Variants in FRMD4A observed in about 807,000 individuals in gnomAD.
FRMD4A encodes FERM domain containing 4A.
Under a neutral mutation model 129.1 loss-of-function variants are expected in FRMD4A, and 29 were observed. That is an observed-to-expected ratio of 0.22 (90% CI 0.17 to 0.31). The LOEUF is 0.31. FRMD4A is among the 10% of genes least tolerant of loss of function. The pLI is 1.00. For missense variants in FRMD4A, 1,272 were observed against 1,375.8 expected, an observed-to-expected ratio of 0.92 and a Z score of 1.19; for synonymous variants, 634 against 571.6, an observed-to-expected ratio of 1.11 and a Z score of -1.56.
chr10:13,983,313 G>T (rs906921067), intron 2 of FRMD4A, among the ~76,000 whole-genome samples: 1 of 151,988 alleles, frequency 6.6e-6, no homozygotes, highest in African/African-American at 2.4e-5. Flanking sequence ...CCCCTGAGCC[G>T]AGGCAACCGT....
chr10:14,123,976 C>G (rs928295045), intron 2 of FRMD4A, among the ~76,000 whole-genome samples: 1 of 152,124 alleles, frequency 6.6e-6, no homozygotes, highest in African/African-American at 2.4e-5. Flanking sequence ...TATAAGGATG[C>G]AGAGGATTCC....
chr10:14,312,474 G>A (rs909176370), intron 2 of FRMD4A, among the ~76,000 whole-genome samples: 7 of 152,102 alleles, frequency 4.6e-5, no homozygotes, highest in Non-Finnish European at 7.3e-5. Context: ...ATATACCTTT[G>A]ATCCAGCATC....
At chr10:13,680,722 T>C (rs759352402) in intron 15 of FRMD4A, among the ~76,000 whole-genome samples, 5 of 151,670 alleles carry the variant, frequency 3.3e-5, no homozygotes, top group East Asian at 1.9e-4. Context: ...CGAGACTCCA[T>C]TTAAAAAAAA....
chr10:13,688,464 C>T (rs1443868591), intron 15 of FRMD4A, among the ~76,000 whole-genome samples: 2 of 152,144 alleles, frequency 1.3e-5, no homozygotes, highest in East Asian at 1.9e-4. Flanking sequence ...TTAATCGGTG[C>T]AGCACACCAA....
intron 2 of FRMD4A, among the ~76,000 whole-genome samples, chr10:13,962,003 A>G (rs781107045): frequency 6.6e-6 from 1 of 151,670 alleles, no homozygotes; most frequent in African/African-American, 2.4e-5. Context: ...GAGGGTGTTC[A>G]TTAGTTATTT....
At chr10:14,156,027 C>A (rs1342677670) in intron 2 of FRMD4A, among the ~76,000 whole-genome samples, 1 of 152,172 alleles carries the variant, frequency 6.6e-6, no homozygotes, top group African/African-American at 2.4e-5. Flanking sequence ...CAATTTCCCT[C>A]CCAGGTGCAG....
At chr10:13,777,791 ATTTTTTTTTTTT>A (rs34059772) in intron 6 of FRMD4A, among the ~76,000 whole-genome samples, 1 of 85,962 alleles carries the variant, frequency 1.2e-5, no homozygotes, top group Admixed American at 1.7e-4. Context: ...CTTTGGGTCA[ATTTTTTTTTTTT>A]TTTTTTTTTT....
At chr10:14,185,593 A>G (rs928671748) in intron 2 of FRMD4A, among the ~76,000 whole-genome samples, 4 of 149,604 alleles carry the variant, frequency 2.7e-5, no homozygotes, top group South Asian at 2.1e-4. Context: ...TAAGAAAGAG[A>G]AACAGGTAGA....
intron 24 of FRMD4A, chr10:13,649,543 A>T (rs1241961580): frequency 6.8e-6 from 1 of 146,762 alleles, no homozygotes; most frequent in Non-Finnish European, 1.5e-5. Context: ...CCTCTGAGAA[A>T]ATGAAGCTGG....
intron 2 of FRMD4A, among the ~76,000 whole-genome samples, chr10:14,012,551 G>A (rs891347989): frequency 1.3e-5 from 2 of 152,190 alleles, no homozygotes; most frequent in African/African-American, 4.8e-5. Flanking sequence ...TGCAGTGTTG[G>A]TGATAATGGA....
rs1834510746 is a variant in FRMD4A at position 14,056,003 on chromosome 10, C to T, written c.46-197091G>A. 3.9e-5 allele frequency among the ~76,000 whole-genome samples: 6 copies of T among 152,150 alleles called. No homozygotes were observed. In the South Asian group the frequency reaches 8.3e-4, roughly 21 times the overall value. ...AGGCCAGAGTGCAGTGGCGCGATCT[C>T]GGCTCACTGCAAGCTCCGCCTCCTG... On this transcript the variant is annotated intron_variant, in intron 2 of 24. Transcript: ENST00000357447.
At chr10:14,320,266 C>T (rs903410036) in intron 2 of FRMD4A, among the ~76,000 whole-genome samples, 1 of 152,150 alleles carries the variant, frequency 6.6e-6, no homozygotes, top group African/African-American at 2.4e-5. Context: ...AATCCAGATG[C>T]CCCCAAGAGC....
intron 2 of FRMD4A, among the ~76,000 whole-genome samples, chr10:14,198,314 A>G (rs775653028): frequency 6.6e-6 from 1 of 152,210 alleles, no homozygotes; most frequent in South Asian, 2.1e-4. Flanking sequence ...TCATTGGGAC[A>G]TCGGGCTGGA....
intron 6 of FRMD4A, among the ~76,000 whole-genome samples, chr10:13,777,510 G>C (rs1221997918): frequency 6.6e-6 from 1 of 152,180 alleles, no homozygotes; most frequent in Non-Finnish European, 1.5e-5. Flanking sequence ...ATTTTGAGAA[G>C]AGAGGGCTGG....
In FRMD4A at chr10:13,764,446, C is replaced by T. The variant is rs564233674; in HGVS notation, c.385-1766G>A. On this transcript the variant is annotated intron_variant, in intron 6 of 24. Transcript: ENST00000357447. Reference sequence around the variant, plus strand: ...CCTGAGCCTGCGGAGGTTGAGGCTACAGTGAGCTGTAATCATGCCACTACA... The same window carrying T: ...CCTGAGCCTGCGGAGGTTGAGGCTATAGTGAGCTGTAATCATGCCACTACA... Among the ~76,000 whole-genome samples the T allele has an allele frequency of 4.6e-5, 7 of 152,148 alleles. No homozygotes were observed. In the South Asian group the frequency reaches 1.5e-3, roughly 32 times the overall value.
intron 3 of FRMD4A, among the ~76,000 whole-genome samples, chr10:13,855,309 C>T (rs137944583): frequency 2.6e-5 from 4 of 152,132 alleles, no homozygotes; most frequent in Admixed American, 1.3e-4. Context: ...TCAGCTTTCT[C>T]GCCCAACACT....
chr10:14,244,325 G>T (rs1844157923), intron 2 of FRMD4A, among the ~76,000 whole-genome samples: 1 of 152,142 alleles, frequency 6.6e-6, no homozygotes, highest in Admixed American at 6.5e-5. Context: ...TGGCCCCCTT[G>T]TGGTTAGGTG....
chr10:14,080,440 AC>A (rs905131880), intron 2 of FRMD4A, among the ~76,000 whole-genome samples: 2 of 150,992 alleles, frequency 1.3e-5, no homozygotes, highest in Admixed American at 6.6e-5. Context: ...CATAATGAGA[AC>A]CCCCCCAGCA....
intron 2 of FRMD4A, among the ~76,000 whole-genome samples, chr10:14,158,837 AGAGGAGGAG>A (rs71388159): frequency 0.036 from 4,975 of 137,084 alleles, 118 homozygotes; most frequent in African/African-American, 0.074. Context: ...AGGAGGAGAA[AGAGGAGGAG>A]GAGGAGGAGG....
Sources: gnomAD v4.1 joint callset for allele counts (sites outside exome capture counted in the v4.1 genomes callset) on GRCh38, gnomAD v4.1.1 for gene constraint, MANE v1.5 for transcripts, NCBI Gene and HGNC (gene_info 2026-07-23, HGNC 2026-07-21) for gene names.